The following USPL1 variants were observed in gnomAD, a reference collection of about 807,000 sequenced individuals.
USPL1 encodes the protein ubiquitin specific peptidase like 1, also known as SUMO-specific isopeptidase USPL1.
In USPL1, 27 loss-of-function variants were observed where a neutral mutation model predicts 51.5. The ratio of observed to expected loss-of-function variants is 0.52; its 90% CI spans 0.39 to 0.72. USPL1 has a LOEUF of 0.72. Ranked by LOEUF, USPL1 falls within the 30% of genes least tolerant of loss-of-function variation. The pLI is 0.00. For missense variants in USPL1, 1,226 were observed against 1,268.0 expected (o/e 0.97, Z 0.50); for synonymous variants, 451 against 459.6 (o/e 0.98, Z 0.24).
At chr13:30,648,862 A>C (rs896017175) in intron 7 of USPL1, among the ~76,000 whole-genome samples, 8 of 152,222 alleles carry the variant, frequency 5.3e-5, no homozygotes, top group Non-Finnish European at 7.4e-5. Flanking sequence ...GTTGATGATG[A>C]GGTGAGGAGA....
chr13:30,621,273 T>C (rs773137273), intron 2 of USPL1, 34 bp downstream of exon 2: 1 of 1,116,056 alleles, frequency 9.0e-7, no homozygotes, highest in Non-Finnish European at 1.2e-6. Flanking sequence ...GAGTGCAAAG[T>C]TTTTTTTTTT....
In USPL1 at chr13:30,631,380, G is replaced by A. The variant is rs1157848259; in HGVS notation, c.774G>A (p.Leu258=). 1.9e-6 allele frequency: 3 copies of A among 1,614,236 alleles called. No individual in the cohort carries two copies. The highest frequency in any genetic ancestry group is 2.5e-6 in the Non-Finnish European group (3 of 1,180,044). The change falls in exon 4 of 9, where the codon CTG becomes CTA. Residue 258 remains leucine (L), a synonymous_variant. Transcript: ENST00000255304. ...AGTTAAAGAACACCGTGACTGGACTGTGCTCGAAGGAGGAATCTATATTCT... is the reference window on the plus strand; with the variant it reads ...AGTTAAAGAACACCGTGACTGGACTATGCTCGAAGGAGGAATCTATATTCT... The part of the protein sequence containing the change: ...SEELKNTVTG[L]CSKEESIFWR...
At chr13:30,649,415 CAT>C (rs1310936084) in intron 7 of USPL1, among the ~76,000 whole-genome samples, 8 of 152,168 alleles carry the variant, frequency 5.3e-5, no homozygotes, top group African/African-American at 1.9e-4. Flanking sequence ...GTAATTAAAA[CAT>C]ATAGAATCCT....
rs760633205 is a variant in USPL1 at position 30,621,793 on chromosome 13, T to C, written c.129T>C (p.Asp43=). 6 of 1,556,656 alleles carry C rather than the reference T, an allele frequency of 3.9e-6. No homozygotes were observed. The African/African-American group carries it at 8.3e-5, about 22-fold the overall frequency. The change falls in exon 3 of 9, where the codon GAT becomes GAC. Residue 43 remains aspartate (D), a synonymous_variant. Transcript: ENST00000255304. ...TTGATTCAGCTAAAGTTCCATCAGA[T>C]GAGTATTGCCCTGCTTGTAGAGAGA... ...KNFDSAKVPS[D]EYCPACREKG... is the part of the protein sequence containing the mutation.
intron 1 of USPL1, among the ~76,000 whole-genome samples, chr13:30,618,844 T>C (rs1475592439): frequency 3.9e-5 from 6 of 152,310 alleles, no homozygotes; most frequent in African/African-American, 1.4e-4. Context: ...CTTTAGGTTA[T>C]ATTGGGCTGT....
At chr13:30,635,337 G>A (rs903831136) in intron 4 of USPL1, among the ~76,000 whole-genome samples, 2 of 152,130 alleles carry the variant, frequency 1.3e-5, no homozygotes, top group Non-Finnish European at 2.9e-5. Context: ...TTGATGTGTG[G>A]TATGAGGTAA....
intron 5 of USPL1, among the ~76,000 whole-genome samples, chr13:30,639,348 T>C (rs1950916978): frequency 6.6e-6 from 1 of 152,020 alleles, no homozygotes; most frequent in Admixed American, 6.6e-5. Flanking sequence ...TGACTCATGC[T>C]TCTGCCCCCT....
At chr13:30,619,426 A>G (rs1950618771) in intron 1 of USPL1, among the ~76,000 whole-genome samples, 1 of 152,284 alleles carries the variant, frequency 6.6e-6, no homozygotes, top group Admixed American at 6.5e-5. Context: ...TATATTTTAT[A>G]ATTGAGAGAG....
intron 8 of USPL1, among the ~76,000 whole-genome samples, chr13:30,654,394 T>TTC (rs533470946): frequency 1.3e-5 from 2 of 151,622 alleles, no homozygotes; most frequent in South Asian, 2.1e-4. Flanking sequence ...CCTTCATTCC[T>TTC]TCTCTCTCTC....
intron 6 of USPL1, among the ~76,000 whole-genome samples, chr13:30,643,600 A>ACCCC (rs1321714510): frequency 2.2e-5 from 1 of 45,458 alleles, no homozygotes; most frequent in Non-Finnish European, 4.3e-5. Context: ...AACTCTTTCC[A>ACCCC]CCCCCCCCCG....
At chr13:30,626,142 C>A (rs1050511549) in intron 3 of USPL1, among the ~76,000 whole-genome samples, 1 of 152,044 alleles carries the variant, frequency 6.6e-6, no homozygotes, top group African/African-American at 2.4e-5. Flanking sequence ...ATGGTGAAAA[C>A]CTGTCTCTAC....
In USPL1 at chr13:30,630,830, T is replaced by G. The variant is rs779163975; in HGVS notation, c.229-5T>G. 3 of 1,569,956 alleles carry G rather than the reference T, an allele frequency of 1.9e-6. No individual in the cohort carries two copies. The South Asian group carries it at 3.6e-5, about 19-fold the overall frequency. ...AGTTTTTATCATTTTATTTTTACTT[T>G]CCAGTGCATCTATCCTTTGGGCTCT... is the stretch of plus-strand genomic sequence containing the variant. On this transcript the variant is annotated splice_region_variant and splice_polypyrimidine_tract_variant and intron_variant, in intron 3 of 8. Coordinates refer to ENST00000255304, the MANE Select transcript of USPL1 (RefSeq NM_005800.5).
At chr13:30,637,434 CTT>C (rs1950890887) in intron 4 of USPL1, among the ~76,000 whole-genome samples, 1 of 152,002 alleles carries the variant, frequency 6.6e-6, no homozygotes, top group African/African-American at 2.4e-5. Context: ...AAGGAGGTAA[CTT>C]TAGCTGTTTT....
At position 30,657,933 on chromosome 13, in the gene USPL1, T is replaced by A; in HGVS notation, c.1856T>A (p.Ile619Asn). 6.2e-7 allele frequency: 1 copy of A among 1,613,882 alleles called. No homozygotes were observed. The highest frequency in any genetic ancestry group is 2.2e-5 in the East Asian group (1 of 44,880). ...ENKPVAENTG[I>N]LKTNTLLSQE... ...AAACCTGTAGCAGAAAATACAGGAA[T>A]TCTCAAAACCAATACTTTGCTATCA... The change falls in exon 9 of 9, where the codon ATT becomes AAT. Residue 619 changes from isoleucine to asparagine, a missense_variant. Physicochemically the swap from Ile to Asn is moderately radical, Grantham distance 149. Transcript: ENST00000255304.
At chr13:30,657,424 A>G (rs780406203) in intron 8 of USPL1, 50 bp from the exon 9 acceptor site, 1 of 1,521,954 alleles carries the variant, frequency 6.6e-7, no homozygotes, top group Non-Finnish European at 8.8e-7. Flanking sequence ...AAGTTAACCT[A>G]GGATGGTGGT....
intron 6 of USPL1, among the ~76,000 whole-genome samples, chr13:30,645,093 A>G (rs1001426124): frequency 6.6e-6 from 1 of 152,214 alleles, no homozygotes. Flanking sequence ...TGGCAGAGTC[A>G]GGAGACACAC....
chr13:30,641,155 A>C (rs2137669566), intron 5 of USPL1, among the ~76,000 whole-genome samples: 1 of 152,350 alleles, frequency 6.6e-6, no homozygotes, highest in Non-Finnish European at 1.5e-5. Context: ...GGGAATTTAA[A>C]AGTAAATACC....
Position 30,621,712 on chromosome 13 carries a change from T to G in USPL1, c.100-52T>G, listed in dbSNP as rs920005063. The G allele has an allele frequency of 3.1e-6, 4 of 1,300,342 alleles. No individual in the cohort carries two copies. In the Admixed American group the frequency reaches 1.2e-4, roughly 38 times the overall value. 80.6% of individuals were successfully genotyped at this position (1,300,342 alleles called of 1,614,324 possible). A position where few individuals can be genotyped will look rare whatever the true frequency, so the allele number is the denominator to read the frequency against. ...ACCTTTCCATTTAACTTTTAATATT[T>G]TGATATATTCTAGGAATGTCTATAT... On this transcript the variant is annotated intron_variant, in intron 2 of 8. Coordinates refer to ENST00000255304, the MANE Select transcript of USPL1 (RefSeq NM_005800.5).
chr13:30,629,980 A>G (rs74043523), intron 3 of USPL1, among the ~76,000 whole-genome samples: 2 of 150,014 alleles, frequency 1.3e-5, no homozygotes, highest in African/African-American at 5.0e-5. Flanking sequence ...TATTATTATT[A>G]TTATTATTTT....
Sources: allele counts gnomAD v4.1 joint callset (sites outside exome capture counted in the v4.1 genomes callset), GRCh38; gene constraint gnomAD v4.1.1; transcripts MANE v1.5; gene names NCBI Gene and HGNC (gene_info 2026-07-23, HGNC 2026-07-21).